The following SCN3A variants were observed in gnomAD, a reference collection of about 807,000 sequenced individuals.
SCN3A encodes the protein sodium channel protein type 3 subunit alpha.
SCN3A carries 60 observed loss-of-function variants against 187.6 expected under a neutral mutation model. The observed-to-expected ratio is 0.32, with a 90% CI of 0.26 to 0.40. The LOEUF is 0.40. Among genes scored for constraint, SCN3A ranks in the 10% least tolerant of loss-of-function variants. The probability of loss-of-function intolerance (pLI) is 1.00; values close to 1 mark genes in which losing one functional copy is unlikely to be tolerated. For synonymous variants in SCN3A, 788 were observed against 829.2 expected, an observed-to-expected ratio of 0.95 and a Z score of 0.85; for missense variants, 1,601 against 2,428.2, an observed-to-expected ratio of 0.66 and a Z score of 7.16.
At chr2:165,194,926 A>G (rs1454322141) in intron 1 of SCN3A, 2 of 151,980 alleles carry the variant, frequency 1.3e-5, no homozygotes, top group Non-Finnish European at 2.9e-5. Flanking sequence ...ACCAAAATAG[A>G]GCAAAGGACT....
chr2:165,154,586 C>A lies in SCN3A; in HGVS notation c.1246G>T (p.Val416Leu). The A allele has an allele frequency of 6.2e-7, 1 of 1,614,056 alleles. No homozygotes were observed. The highest frequency in any genetic ancestry group is 8.5e-7 in the Non-Finnish European group (1 of 1,180,008). Residue 416 changes from valine (V) to leucine (L), a missense_variant, in exon 11 of 28, where the codon GTG (valine) becomes TTG (leucine). Physicochemically the swap from Val to Leu is conservative, Grantham distance 32. Coordinates refer to ENST00000283254, the MANE Select transcript of SCN3A (RefSeq NM_006922.4). ...GCCACCACAGCCAGGATCAAATTCA[C>A]CAAATAAAATGAGCCCAAGAAAATG... ...LVIFLGSFYL[V>L]NLILAVVAMA...
chr2:165,143,114 T>C (rs1688112013), intron 12 of SCN3A, among the ~76,000 whole-genome samples: 1 of 152,082 alleles, frequency 6.6e-6, no homozygotes, highest in African/African-American at 2.4e-5. Flanking sequence ...AAAATATATA[T>C]TTTTAGGTCC....
At position 165,164,241 on chromosome 2, in the gene SCN3A, T is replaced by A; in HGVS notation, c.602+151A>T. 8 of 943,954 alleles carry A rather than the reference T, an allele frequency of 8.5e-6. No individual in the cohort carries two copies. The South Asian group carries it at 1.2e-4, about 14-fold the overall frequency. 58.5% of individuals were successfully genotyped at this position (943,954 alleles called of 1,614,324 possible). A position where few individuals can be genotyped will look rare whatever the true frequency, so the allele number is the denominator to read the frequency against. On this transcript the variant is annotated intron_variant, in intron 6 of 27. Transcript: ENST00000283254. ...TACTGGATATATTTACATTGCAATA[T>A]GTATTCTAATATGTATTCTTAAAAT...
chr2:165,184,938 A>G (rs1291400733), intron 2 of SCN3A, among the ~76,000 whole-genome samples: 2 of 152,186 alleles, frequency 1.3e-5, no homozygotes, highest in Admixed American at 1.3e-4. Context: ...GATGAAATCT[A>G]GACCTTCTTT....
At chr2:165,199,256 T>A (rs1692172110) in intron 1 of SCN3A, among the ~76,000 whole-genome samples, 1 of 151,988 alleles carries the variant, frequency 6.6e-6, no homozygotes. Flanking sequence ...GGACCATCAT[T>A]TCTCTAACTT....
intron 1 of SCN3A, among the ~76,000 whole-genome samples, chr2:165,200,289 A>G (rs1018719362): frequency 1.3e-5 from 2 of 152,108 alleles, no homozygotes; most frequent in African/African-American, 4.8e-5. Flanking sequence ...GTGCGAATGA[A>G]TAATATATTT....
rs528425236 is a variant in SCN3A at position 165,202,644 on chromosome 2, A to G, written c.-248+1179T>C. ...AGATGTCAATATTTTTCAACATATC[A>G]TTAGGAATTACAGTTTGGAGGCCTT... is the stretch of plus-strand genomic sequence containing the variant. On this transcript the variant is annotated intron_variant, in intron 1 of 27. Coordinates refer to ENST00000283254, the MANE Select transcript of SCN3A (RefSeq NM_006922.4). 1.1e-3 allele frequency among the ~76,000 whole-genome samples: 165 copies of G among 152,170 alleles called. 1 individual carries two copies. Among genetic ancestry groups the G allele is most frequent in the African/African-American group, 3.9e-3 (160 of 41,556 alleles).
chr2:165,142,723 G>GTGTTGTTGTTGTTGT (rs4001045), intron 12 of SCN3A, among the ~76,000 whole-genome samples: 143 of 148,822 alleles, frequency 9.6e-4, no homozygotes, highest in Non-Finnish European at 1.3e-3. Flanking sequence ...TCCAGAACTC[G>GTGTTGTTGTTGTTGT]TGTTGTTGTT....
At chr2:165,170,405 T>C in intron 4 of SCN3A, 25 bp downstream of exon 4, 1 of 1,245,386 alleles carries the variant, frequency 8.0e-7, no homozygotes, top group Non-Finnish European at 1.2e-6. Flanking sequence ...AAATAGCATT[T>C]AGGCAATTCA....
At chr2:165,111,484 T>TACACAC (rs60417556) in intron 21 of SCN3A, among the ~76,000 whole-genome samples, 28 of 142,618 alleles carry the variant, frequency 2.0e-4, no homozygotes, top group Admixed American at 5.7e-4. Context: ...GCCAGTCTGA[T>TACACAC]ACACACACAC....
chr2:165,146,773 A>C lies in SCN3A; in HGVS notation c.1637T>G (p.Leu546Arg). The C allele has an allele frequency of 6.2e-7, 1 of 1,614,060 alleles. No individual in the cohort carries two copies. The highest frequency in any genetic ancestry group is 8.5e-7 in the Non-Finnish European group (1 of 1,179,956). The change falls in exon 12 of 28, where the codon CTG becomes CGG. Residue 546 changes from leucine to arginine, a missense_variant. Leu to Arg is a moderately radical substitution (Grantham distance 102, BLOSUM62 -2). This residue lies in a region of SCN3A where 376 missense variants were observed against 476.0 expected (regional missense o/e 0.79). Transcript: ENST00000283254. ...GGAGCAGAATTTTTTGTCACTGGTC[A>C]GTCTGTTTCCATCCATGGAGAAAAG... is the stretch of plus-strand genomic sequence containing the variant. ...SFLFSMDGNRLTSDKKFCSPH... is the reference protein window; with the variant it reads ...SFLFSMDGNRRTSDKKFCSPH...
chr2:165,170,575 A>C (rs767735377), intron 3 of SCN3A, 27 bp from the exon 4 acceptor site: 7 of 1,282,190 alleles, frequency 5.5e-6, no homozygotes, highest in Non-Finnish European at 8.0e-6. Flanking sequence ...GAGTAAAATT[A>C]CTAAATTAGA....
chr2:165,124,470 A>G (rs1283977125), intron 18 of SCN3A, among the ~76,000 whole-genome samples: 2 of 152,152 alleles, frequency 1.3e-5, no homozygotes, highest in Non-Finnish European at 2.9e-5. Flanking sequence ...CTAAGTTTTT[A>G]TGCTACTTTG....
chr2:165,092,534 G>A lies in SCN3A; in HGVS notation c.4537-10C>T. ...TTCCTTGGAATTTGTTCTAGAAAGT[G>A]AGAGAAGAGAAATAAGGTTACTATA... On this transcript the variant is annotated splice_polypyrimidine_tract_variant and intron_variant, in intron 26 of 27. Transcript: ENST00000283254. This position sits in a 1 kb window ranked among gnomAD's most constrained non-coding sequence, Gnocchi z 4.2. 2 of 1,608,472 alleles carry A rather than the reference G, an allele frequency of 1.2e-6. No homozygotes were observed. Among genetic ancestry groups the A allele is most frequent in the Non-Finnish European group, 1.7e-6 (2 of 1,175,042 alleles).
intron 14 of SCN3A, 49 bp downstream of exon 14, chr2:165,139,427 C>T (rs1254867197): frequency 8.1e-6 from 13 of 1,612,562 alleles, no homozygotes; most frequent in South Asian, 1.1e-5. Flanking sequence ...GAATAGTTCA[C>T]AAAGCACATA....
At chr2:165,202,520 C>T (rs1692383843) in intron 1 of SCN3A, among the ~76,000 whole-genome samples, 1 of 151,982 alleles carries the variant, frequency 6.6e-6, no homozygotes, top group Non-Finnish European at 1.5e-5. Flanking sequence ...AGGAATTCTT[C>T]TGAAATAGAC....
intron 18 of SCN3A, 117 bp from the exon 19 acceptor site, chr2:165,115,692 C>A (rs1686338523): frequency 1.1e-6 from 1 of 875,660 alleles, no homozygotes; most frequent in Non-Finnish European, 1.9e-6. Flanking sequence ...ACTCTATTAG[C>A]ATTACTGATC....
intron 17 of SCN3A, among the ~76,000 whole-genome samples, chr2:165,128,541 C>T (rs1442012064): frequency 6.6e-6 from 1 of 152,000 alleles, no homozygotes; most frequent in Non-Finnish European, 1.5e-5. Context: ...AAAGAATGAA[C>T]TTATTTATTT....
At chr2:165,155,709 A>T in intron 10 of SCN3A, 53 bp downstream of exon 10, 3 of 1,607,364 alleles carry the variant, frequency 1.9e-6, no homozygotes, top group Non-Finnish European at 2.6e-6. Context: ...TATGCTTTTC[A>T]TTTCATACAT....
Sources: allele counts gnomAD v4.1 joint callset (sites outside exome capture counted in the v4.1 genomes callset), GRCh38; gene constraint gnomAD v4.1.1; regional missense constraint gnomAD v4.1.1; non-coding constraint Gnocchi (gnomAD v3.1); transcripts MANE v1.5; gene names NCBI Gene and HGNC (gene_info 2026-07-23, HGNC 2026-07-21).